The following AKT3 variants were observed in gnomAD, a reference collection of about 807,000 sequenced individuals.
The protein encoded by AKT3 is RAC-gamma serine/threonine-protein kinase.
In AKT3, 15 loss-of-function variants were observed where a neutral mutation model predicts 65.3. That is an observed-to-expected ratio of 0.23 (90% CI 0.15 to 0.35). The LOEUF (loss-of-function observed/expected upper bound fraction) is 0.35, where lower values mean the gene tolerates loss of function less well. Ranked by LOEUF, AKT3 falls within the 10% of genes least tolerant of loss-of-function variation. AKT3 has a pLI of 1.00. For missense variants in AKT3, 243 were observed against 576.5 expected (o/e 0.42, Z 5.92); for synonymous variants, 206 against 183.8 (o/e 1.12, Z -0.98).
chr1:243,803,990 C>T (rs1461745256), intron 2 of AKT3, among the ~76,000 whole-genome samples: 1 of 152,192 alleles, frequency 6.6e-6, no homozygotes, highest in African/African-American at 2.4e-5. Flanking sequence ...CAGAAGCCTG[C>T]TTGAGAATGA....
intron 11 of AKT3, among the ~76,000 whole-genome samples, chr1:243,550,270 C>T (rs1672956315): frequency 6.6e-6 from 1 of 152,156 alleles, no homozygotes; most frequent in South Asian, 2.1e-4. Context: ...GGGCTTGACA[C>T]ATCTATTATA....
intron 2 of AKT3, among the ~76,000 whole-genome samples, chr1:243,759,814 G>C (rs938296994): frequency 6.6e-6 from 1 of 152,052 alleles, no homozygotes; most frequent in East Asian, 1.9e-4. Flanking sequence ...TAAAAGGAAG[G>C]TTCTGCTTCT....
At position 243,816,077 on chromosome 1, in the gene AKT3, T is replaced by C. The variant is rs985436137; in HGVS notation, c.46+27048A>G. On this transcript the variant is annotated intron_variant, in intron 2 of 13. Transcript: ENST00000673466. Reference sequence around the variant, plus strand: ...GCAGACAATATGTTAGCCAGGGATGTAGTCATCAGAAGACCCTACTTGGTT... The same window carrying C: ...GCAGACAATATGTTAGCCAGGGATGCAGTCATCAGAAGACCCTACTTGGTT... 6.6e-5 allele frequency among the ~76,000 whole-genome samples: 10 copies of C among 152,290 alleles called. No individual in the cohort carries two copies. In the East Asian group the frequency reaches 1.4e-3, roughly 21 times the overall value.
intron 2 of AKT3, among the ~76,000 whole-genome samples, chr1:243,729,503 A>AT (rs1247499725): frequency 5.3e-5 from 8 of 152,286 alleles, no homozygotes; most frequent in Middle Eastern, 3.4e-3. Context: ...CTCATAGATT[A>AT]TAAAGAGACA....
chr1:243,547,160 G>A (rs1672735720), intron 11 of AKT3, among the ~76,000 whole-genome samples: 1 of 151,644 alleles, frequency 6.6e-6, no homozygotes, highest in Admixed American at 6.6e-5. Context: ...CTTCCACTGT[G>A]GCCAGTTTCG....
At chr1:243,818,219 G>A (rs749511409) in intron 2 of AKT3, 1 of 152,156 alleles carries the variant, frequency 6.6e-6, no homozygotes, top group African/African-American at 2.4e-5. Flanking sequence ...CACTTACTAT[G>A]TACCTGGCAA....
intron 4 of AKT3, among the ~76,000 whole-genome samples, chr1:243,654,037 T>C (rs1681575560): frequency 6.6e-6 from 1 of 152,300 alleles, no homozygotes; most frequent in East Asian, 1.9e-4. Flanking sequence ...TATTTTTATA[T>C]ATATCCTTAG....
intron 2 of AKT3, among the ~76,000 whole-genome samples, chr1:243,726,941 G>A (rs1259646541): frequency 2.0e-5 from 3 of 152,208 alleles, no homozygotes; most frequent in Non-Finnish European, 2.9e-5. Context: ...TTCTACTTAG[G>A]CAGTGGCAAT....
chr1:243,505,716 T>C (rs1403722306), intron 13 of AKT3, among the ~76,000 whole-genome samples: 2 of 152,214 alleles, frequency 1.3e-5, no homozygotes, highest in South Asian at 2.1e-4. Context: ...AAAGTCTGTA[T>C]AGAATTCATC....
At chr1:243,796,573 T>A (rs1473616873) in intron 2 of AKT3, among the ~76,000 whole-genome samples, 1 of 152,230 alleles carries the variant, frequency 6.6e-6, no homozygotes, top group East Asian at 1.9e-4. Context: ...TCCCATTTAA[T>A]ACCATTCTTT....
rs1240245563 is a variant in AKT3 at position 243,695,837 on chromosome 1, A to G, written c.47-121T>C. The stretch of plus-strand genomic sequence containing the variant: ...TGGCCTCCAAAAATTTAGTTACTCA[A>G]TTTTCTTTTAACTTAGCTTACAAAA... On this transcript the variant is annotated intron_variant, in intron 2 of 13. Coordinates refer to ENST00000673466, the MANE Select transcript of AKT3 (RefSeq NM_005465.7). The G allele has an allele frequency of 8.9e-6, 7 of 789,768 alleles. No homozygotes were observed. In the East Asian group the frequency reaches 1.8e-4, roughly 20 times the overall value. 48.9% of individuals were successfully genotyped at this position (789,768 alleles called of 1,614,324 possible).
At chr1:243,572,433 G>A (rs1674630561) in intron 9 of AKT3, among the ~76,000 whole-genome samples, 1 of 152,106 alleles carries the variant, frequency 6.6e-6, no homozygotes, top group South Asian at 2.1e-4. Flanking sequence ...ACTTACAGCA[G>A]TCAAAACACT....
chr1:243,577,422 C>T (rs1412652329), intron 8 of AKT3, among the ~76,000 whole-genome samples: 1 of 152,176 alleles, frequency 6.6e-6, no homozygotes, highest in East Asian at 1.9e-4. Context: ...GCTGGGATTA[C>T]AGGCATGAGC....
chr1:243,806,149 A>C (rs1212371922), intron 2 of AKT3, among the ~76,000 whole-genome samples: 1 of 152,058 alleles, frequency 6.6e-6, no homozygotes, highest in Non-Finnish European at 1.5e-5. Context: ...CACACCCATC[A>C]CCCAATGAAC....
At chr1:243,532,463 T>C (rs1412400429) in intron 12 of AKT3, among the ~76,000 whole-genome samples, 2 of 152,236 alleles carry the variant, frequency 1.3e-5, no homozygotes, top group African/African-American at 2.4e-5. Context: ...ATTACACTGA[T>C]TAATTTCTAT....
At chr1:243,644,928 C>G (rs1680692646) in intron 5 of AKT3, among the ~76,000 whole-genome samples, 1 of 152,066 alleles carries the variant, frequency 6.6e-6, no homozygotes, top group South Asian at 2.1e-4. Flanking sequence ...AACAAACAAA[C>G]AGAGTAGAAA....
At chr1:243,760,620 T>G (rs763682478) in intron 2 of AKT3, among the ~76,000 whole-genome samples, 1 of 152,178 alleles carries the variant, frequency 6.6e-6, no homozygotes, top group Non-Finnish European at 1.5e-5. Context: ...GATGCCCATG[T>G]TCTCACATGA....
At chr1:243,608,752 T>TTTG (rs1677635735) in intron 8 of AKT3, among the ~76,000 whole-genome samples, 1 of 128,046 alleles carries the variant, frequency 7.8e-6, no homozygotes, top group African/African-American at 3.0e-5. Context: ...GCTTTTTTTT[T>TTTG]TTTTTTTTTT....
chr1:243,532,822 C>T (rs751622566), intron 12 of AKT3, among the ~76,000 whole-genome samples: 4 of 152,124 alleles, frequency 2.6e-5, no homozygotes, highest in Non-Finnish European at 5.9e-5. Context: ...GATTTTATTT[C>T]TTTAAGAGTT....
Sources: gnomAD v4.1 joint callset for allele counts (sites outside exome capture counted in the v4.1 genomes callset) on GRCh38, gnomAD v4.1.1 for gene constraint, MANE v1.5 for transcripts, NCBI Gene and HGNC (gene_info 2026-07-23, HGNC 2026-07-21) for gene names.